FAM228B: variants seen among roughly 807,000 people sequenced by gnomAD.
FAM228B encodes the protein protein FAM228B.
A neutral mutation model predicts 42.6 loss-of-function variants in FAM228B; 38 were observed. That is an observed-to-expected ratio of 0.89 (90% confidence interval 0.69 to 1.17). The LOEUF (loss-of-function observed/expected upper bound fraction) is 1.17. Ranked by LOEUF, FAM228B falls within the 50% of genes most tolerant of loss-of-function variation. FAM228B has a pLI of 0.00. For missense variants in FAM228B, 344 were observed against 367.3 expected (o/e 0.94, Z 0.52); for synonymous variants, 109 against 122.3 (o/e 0.89, Z 0.72).
chr2:24,091,813 A>T (rs1239648718), intron 2 of FAM228B, among the ~76,000 whole-genome samples: 1 of 152,212 alleles, frequency 6.6e-6, no homozygotes, highest in East Asian at 1.9e-4. Flanking sequence ...AGTTTTACCA[A>T]ATTAGTATAC....
Position 24,077,477 on chromosome 2 carries a change from T to C in FAM228B, c.-290+508T>C. 7.3e-7 allele frequency: 1 copy of C among 1,365,288 alleles called. No individual in the cohort carries two copies. Among genetic ancestry groups the C allele is most frequent in the Non-Finnish European group, 9.8e-7 (1 of 1,020,522 alleles). 84.6% of individuals were successfully genotyped at this position (1,365,288 alleles called of 1,614,324 possible). Reference sequence around the variant, plus strand: ...TCCTCATATCAGCTTTAAACGGCTCTGGAGGAAGCACCGGGTTTCTTGGCC... The same window carrying C: ...TCCTCATATCAGCTTTAAACGGCTCCGGAGGAAGCACCGGGTTTCTTGGCC... On this transcript the variant is annotated intron_variant, in intron 1 of 10. Coordinates refer to the FAM228B transcript ENST00000613899. The surrounding 1 kb of genome is among the most constrained non-coding windows in gnomAD (Gnocchi z 5.5).
upstream of FAM228B, among the ~76,000 whole-genome samples, chr2:24,120,130 G>A (rs148034473): frequency 1.2e-3 from 180 of 152,180 alleles, no homozygotes; most frequent in African/African-American, 4.2e-3. Context: ...TTAGCCAGGC[G>A]TGGTGGCAGG....
chr2:24,158,145 A>G (rs532463345), intron 7 of FAM228B, among the ~76,000 whole-genome samples: 61 of 132,180 alleles, frequency 4.6e-4, no homozygotes, highest in Non-Finnish European at 8.3e-4. Flanking sequence ...TTCCACAACT[A>G]CCTGAATCAA....
intron 3 of FAM228B, among the ~76,000 whole-genome samples, chr2:24,103,200 G>T (rs1349571093): frequency 6.6e-6 from 1 of 152,168 alleles, no homozygotes; most frequent in Non-Finnish European, 1.5e-5. Context: ...AGGCTCAAAG[G>T]CTCAAAGGGC....
intron 3 of FAM228B, among the ~76,000 whole-genome samples, chr2:24,101,173 T>G (rs936801995): frequency 5.3e-5 from 8 of 152,096 alleles, no homozygotes; most frequent in African/African-American, 9.7e-5. Context: ...AATGATGAGT[T>G]GATGGGTGCA....
At chr2:24,086,234 C>CAAAAAAAAAAAA (rs57641176) in intron 2 of FAM228B, among the ~76,000 whole-genome samples, 19 of 63,926 alleles carry the variant, frequency 3.0e-4, no homozygotes, top group African/African-American at 1.1e-3. Flanking sequence ...GACTCCGTCT[C>CAAAAAAAAAAAA]AAAAAAAAAA....
chr2:24,133,086 G>T (rs115164470), intron 2 of FAM228B, among the ~76,000 whole-genome samples: 124 of 152,108 alleles, frequency 8.2e-4, no homozygotes, highest in Non-Finnish European at 1.5e-3. Flanking sequence ...CAGTTAGGCC[G>T]CATGTTTCTA....
At position 24,077,915 on chromosome 2, in the gene FAM228B, C is replaced by A. The variant is rs1249248691; in HGVS notation, c.-290+946C>A. 2.0e-5 allele frequency among the ~76,000 whole-genome samples: 3 copies of A among 152,124 alleles called. No individual in the cohort carries two copies. The highest frequency in any genetic ancestry group is 4.4e-5 in the Non-Finnish European group (3 of 68,020). ...CACTTCCTAGCATGTGTGTGAAATA[C>A]CCTTGAAGGAGTCATGTGCCATCTC... On this transcript the variant is annotated intron_variant, in intron 1 of 10. Coordinates refer to the FAM228B transcript ENST00000613899. This position sits in a 1 kb window ranked among gnomAD's most constrained non-coding sequence, Gnocchi z 5.5.
At position 24,155,707 on chromosome 2, in the gene FAM228B, A is replaced by G. The variant is rs1667126282; in HGVS notation, c.687-5799A>G. Among the ~76,000 whole-genome samples the G allele has an allele frequency of 1.3e-5, 2 of 150,884 alleles. 1 individual carries two copies. The stretch of plus-strand genomic sequence containing the variant: ...AGGCATCCGCCACCACGCCCGGCTA[A>G]TTTTTGTATTTTTGTTAGAGACAGG... On this transcript the variant is annotated intron_variant, in intron 7 of 10. Transcript: ENST00000615575.
chr2:24,134,943 A>T (rs541160361), intron 2 of FAM228B, among the ~76,000 whole-genome samples, 176 bp from the exon 3 acceptor site: 6 of 152,224 alleles, frequency 3.9e-5, no homozygotes, highest in Admixed American at 3.9e-4. Flanking sequence ...ACAGAACAAG[A>T]CTCTGTCTCA....
intron 2 of FAM228B, among the ~76,000 whole-genome samples, chr2:24,131,600 A>G (rs1292124757): frequency 6.6e-6 from 1 of 152,106 alleles, no homozygotes; most frequent in Non-Finnish European, 1.5e-5. Flanking sequence ...ATTGTGAATG[A>G]GAGTTTATTA....
At chr2:24,165,133 T>C (rs959012354) in intron 9 of FAM228B, among the ~76,000 whole-genome samples, 3 of 152,172 alleles carry the variant, frequency 2.0e-5, no homozygotes, top group African/African-American at 7.2e-5. Context: ...AATGGGAATT[T>C]CTTGCATTTG....
chr2:24,125,793 C>T (rs1442488725), intron 2 of FAM228B, among the ~76,000 whole-genome samples: 1 of 152,142 alleles, frequency 6.6e-6, no homozygotes. Context: ...AAACTCCTGA[C>T]CTCAAGTGAT....
chr2:24,131,651 A>T (rs1242729836), intron 2 of FAM228B, among the ~76,000 whole-genome samples: 1 of 152,030 alleles, frequency 6.6e-6, no homozygotes, highest in Non-Finnish European at 1.5e-5. Context: ...ATGTATAGGG[A>T]ATGTTTGTGA....
chr2:24,103,119 G>T (rs1665638092), intron 3 of FAM228B, among the ~76,000 whole-genome samples: 1 of 152,196 alleles, frequency 6.6e-6, no homozygotes, highest in African/African-American at 2.4e-5. Flanking sequence ...GAGGATGAAA[G>T]AAATCATGCA....
chr2:24,127,479 G>C (rs575192007), intron 2 of FAM228B, among the ~76,000 whole-genome samples: 1 of 152,248 alleles, frequency 6.6e-6, no homozygotes, highest in East Asian at 1.9e-4. Context: ...TGTTTGTTGG[G>C]TCATATGGTA....
At chr2:24,081,429 T>A (rs1041696368) in intron 2 of FAM228B, among the ~76,000 whole-genome samples, 2 of 152,164 alleles carry the variant, frequency 1.3e-5, no homozygotes, top group African/African-American at 2.4e-5. Flanking sequence ...CGAAAGCCAG[T>A]CCTTCTAGAG....
At chr2:24,135,780 C>T (rs994709347) in intron 3 of FAM228B, among the ~76,000 whole-genome samples, 1 of 152,014 alleles carries the variant, frequency 6.6e-6, no homozygotes, top group Non-Finnish European at 1.5e-5. Context: ...TTTTGAATTT[C>T]ACGCTCTTCC....
At chr2:24,159,316 C>A (rs970695888) in intron 7 of FAM228B, among the ~76,000 whole-genome samples, 6 of 152,144 alleles carry the variant, frequency 3.9e-5, no homozygotes, top group Non-Finnish European at 8.8e-5. Flanking sequence ...GTTGTAATTG[C>A]CTTTAAAGCA....
Sources: allele counts gnomAD v4.1 joint callset (sites outside exome capture counted in the v4.1 genomes callset), GRCh38; gene constraint gnomAD v4.1.1; non-coding constraint Gnocchi (gnomAD v3.1); transcripts MANE v1.5; gene names NCBI Gene and HGNC (gene_info 2026-07-23, HGNC 2026-07-21).